Variants in IFT25 observed in about 807,000 individuals in gnomAD.
The protein encoded by IFT25 is intraflagellar transport 25.
At chr1:53,928,681 G>T in the IFT25 span, 1 of 411,678 alleles carries the variant, frequency 2.4e-6, no homozygotes, top group East Asian at 3.8e-5. Context: ...GAGCTTTTCT[G>T]AATTTGGCAT....
chr1:53,933,598 C>G, the IFT25 span, among the ~76,000 whole-genome samples: 2 of 152,178 alleles, frequency 1.3e-5, no homozygotes, highest in Non-Finnish European at 2.9e-5. Flanking sequence ...TTATTTTCAA[C>G]TATTCATATC....
At chr1:53,923,259 C>T in the IFT25 span, among the ~76,000 whole-genome samples, 2 of 152,090 alleles carry the variant, frequency 1.3e-5, no homozygotes, top group East Asian at 3.9e-4. Context: ...TTTTAACCCT[C>T]ATTTAGGGAA....
chr1:53,925,004 C>T, the IFT25 span, among the ~76,000 whole-genome samples: 1 of 152,184 alleles, frequency 6.6e-6, no homozygotes, highest in East Asian at 1.9e-4. Context: ...TGCTTTACCC[C>T]TTCTTTCTCC....
chr1:53,939,688 C>T, the IFT25 span: 1 of 327,872 alleles, frequency 3.0e-6, no homozygotes. Flanking sequence ...ATAACCAGAC[C>T]TTAAAATTTA....
chr1:53,926,894 T>C, the IFT25 span, among the ~76,000 whole-genome samples: 3 of 152,058 alleles, frequency 2.0e-5, no homozygotes, highest in Admixed American at 1.3e-4. Flanking sequence ...GGCTAATTTT[T>C]AATTTTTTTT....
the IFT25 span, among the ~76,000 whole-genome samples, chr1:53,938,825 A>G: frequency 6.6e-6 from 1 of 152,140 alleles, no homozygotes; most frequent in Non-Finnish European, 1.5e-5. Context: ...CTGTAATCTC[A>G]GCATTTTGAG....
At chr1:53,911,963 G>A in the IFT25 span, among the ~76,000 whole-genome samples, 109 of 152,218 alleles carry the variant, frequency 7.2e-4, no homozygotes, top group African/African-American at 2.6e-3. Flanking sequence ...TTTTTTGGGG[G>A]GTTGGAGGTG....
the IFT25 span, chr1:53,929,946 G>A: frequency 1.4e-6 from 2 of 1,439,314 alleles, no homozygotes; most frequent in South Asian, 3.2e-5. Flanking sequence ...CCTTCTGCCT[G>A]TGGAAAAAAT....
chr1:53,927,535 G>A, the IFT25 span, among the ~76,000 whole-genome samples: 1 of 152,190 alleles, frequency 6.6e-6, no homozygotes, highest in African/African-American at 2.4e-5. Flanking sequence ...TGTCTCTTGA[G>A]GGTTGTGGTG....
At chr1:53,928,969 A>T in the IFT25 span, 1 of 153,358 alleles carries the variant, frequency 6.5e-6, no homozygotes, top group South Asian at 2.1e-4. Context: ...GAAGAGACTT[A>T]TCAGGAATAC....
At chr1:53,912,031 C>T in the IFT25 span, among the ~76,000 whole-genome samples, 1 of 152,132 alleles carries the variant, frequency 6.6e-6, no homozygotes, top group African/African-American at 2.4e-5. Context: ...ACCAAAGCCA[C>T]TCATGACCAA....
the IFT25 span, chr1:53,916,759 CATT>C: frequency 1.6e-5 from 6 of 384,324 alleles, 1 homozygote; most frequent in Non-Finnish European, 2.8e-5. Context: ...CCAAATTCAT[CATT>C]ATGAATGACT....
At chr1:53,931,461 G>C in the IFT25 span, among the ~76,000 whole-genome samples, 1 of 152,150 alleles carries the variant, frequency 6.6e-6, no homozygotes, top group South Asian at 2.1e-4. Context: ...AAAACAATTT[G>C]GGAAATGTTT....
At chr1:53,924,720 C>A in the IFT25 span, among the ~76,000 whole-genome samples, 1 of 152,098 alleles carries the variant, frequency 6.6e-6, no homozygotes. Flanking sequence ...GTCAGTAGTC[C>A]CAGCTACTCG....
chr1:53,921,150 G>A, the IFT25 span, among the ~76,000 whole-genome samples: 15 of 152,160 alleles, frequency 9.9e-5, no homozygotes, highest in African/African-American at 1.4e-4. Flanking sequence ...TATAGCCTGG[G>A]TGACAGCTAG....
chr1:53,942,544 A>G, the IFT25 span, among the ~76,000 whole-genome samples: 1 of 152,176 alleles, frequency 6.6e-6, no homozygotes, highest in Admixed American at 6.5e-5. Flanking sequence ...AACCTGAAAT[A>G]TTTACTATTT....
chr1:53,922,104 A>T, the IFT25 span, among the ~76,000 whole-genome samples: 10 of 152,268 alleles, frequency 6.6e-5, no homozygotes, highest in Admixed American at 3.9e-4. Context: ...CTAATTTTTT[A>T]AAAGTGTCAG....
chr1:53,918,598 A>G, the IFT25 span, among the ~76,000 whole-genome samples: 1 of 152,218 alleles, frequency 6.6e-6, no homozygotes, highest in African/African-American at 2.4e-5. Flanking sequence ...CATTTCAGTA[A>G]GCTGTATTAC....
chr1:53,939,802 T>A, the IFT25 span: 1 of 532,572 alleles, frequency 1.9e-6, no homozygotes, highest in Non-Finnish European at 3.3e-6. Flanking sequence ...AAGAAAAGGA[T>A]CAAAAACCTA....
Sources: allele counts gnomAD v4.1 joint callset (sites outside exome capture counted in the v4.1 genomes callset), GRCh38; gene constraint gnomAD v4.1.1; transcripts MANE v1.5; gene names NCBI Gene and HGNC (gene_info 2026-07-23, HGNC 2026-07-21).